ZNF536: variants seen among roughly 807,000 people sequenced by gnomAD.
ZNF536 encodes the protein zinc finger protein 536.
Under a neutral mutation model 84.5 loss-of-function variants are expected in ZNF536, and 13 were observed. The observed-to-expected ratio is 0.15, with a 90% CI of 0.10 to 0.24. The LOEUF (loss-of-function observed/expected upper bound fraction) is 0.24. ZNF536 is among the 10% of genes least tolerant of loss of function. ZNF536 has a pLI of 1.00. For missense variants in ZNF536, 1,536 were observed against 1,747.5 expected, an observed-to-expected ratio of 0.88 and a Z score of 2.16; for synonymous variants, 811 against 742.5, an observed-to-expected ratio of 1.09 and a Z score of -1.50.
At chr19:30,394,036 G>A (rs1429299889) in intron 1 of ZNF536, among the ~76,000 whole-genome samples, 1 of 152,076 alleles carries the variant, frequency 6.6e-6, no homozygotes, top group Non-Finnish European at 1.5e-5. Flanking sequence ...GGCTAGATGG[G>A]CAGGCAGAGA....
At chr19:30,374,625 A>G (rs987766710) in intron 1 of ZNF536, among the ~76,000 whole-genome samples, 6 of 152,254 alleles carry the variant, frequency 3.9e-5, no homozygotes, top group African/African-American at 1.2e-4. Context: ...CTTTTGCGCA[A>G]AGACAAAGGG....
At chr19:30,421,509 C>G (rs2050956133) in intron 1 of ZNF536, among the ~76,000 whole-genome samples, 1 of 152,152 alleles carries the variant, frequency 6.6e-6, no homozygotes, top group Non-Finnish European at 1.5e-5. Context: ...GGATTACAGG[C>G]ATGCCACCAC....
intron 1 of ZNF536, among the ~76,000 whole-genome samples, chr19:30,426,005 G>A (rs978174705): frequency 1.3e-5 from 2 of 152,122 alleles, no homozygotes; most frequent in African/African-American, 2.4e-5. Context: ...CATTTTCAGG[G>A]TTCCCCTCCC....
intron 1 of ZNF536, among the ~76,000 whole-genome samples, chr19:30,700,089 TTC>T (rs1264418130): frequency 6.7e-6 from 1 of 149,838 alleles, no homozygotes; most frequent in Non-Finnish European, 1.5e-5. Flanking sequence ...CCCTCTTTCT[TTC>T]TCTTTCCTTC....
intron 1 of ZNF536, chr19:30,710,666 C>T (rs2052426963): frequency 6.6e-6 from 1 of 152,162 alleles, no homozygotes; most frequent in Non-Finnish European, 1.5e-5. Context: ...TAATATTGAT[C>T]ATACTGGTGA....
chr19:30,366,792 A>G (rs1229723363), intron 3 of ZNF536, among the ~76,000 whole-genome samples: 1 of 152,212 alleles, frequency 6.6e-6, no homozygotes, highest in Non-Finnish European at 1.5e-5. Context: ...GAGTCAGGCA[A>G]TAAATACATA....
intron 2 of ZNF536, among the ~76,000 whole-genome samples, chr19:30,321,280 G>A (rs533956719): frequency 2.0e-5 from 3 of 152,326 alleles, no homozygotes; most frequent in South Asian, 2.1e-4. Context: ...GAAAGGGGCC[G>A]GTGCGATGGC....
intron 2 of ZNF536, among the ~76,000 whole-genome samples, chr19:30,513,801 G>A (rs2055518869): frequency 6.6e-6 from 1 of 152,180 alleles, no homozygotes; most frequent in African/African-American, 2.4e-5. Context: ...TGGGAAGATT[G>A]GTGGAAGACC....
chr19:30,471,908 A>AT (rs144169871), intron 2 of ZNF536, among the ~76,000 whole-genome samples: 1,880 of 150,412 alleles, frequency 0.012, 26 homozygotes, highest in African/African-American at 0.04. Context: ...TCAAAGCAGC[A>AT]TTTTTTTTTT....
chr19:30,652,865 G>C (rs1338906646), intron 1 of ZNF536, among the ~76,000 whole-genome samples: 2 of 152,160 alleles, frequency 1.3e-5, no homozygotes, highest in Non-Finnish European at 2.9e-5. Flanking sequence ...TGCAGCGATG[G>C]AAGCCAGAGA....
intron 1 of ZNF536, among the ~76,000 whole-genome samples, chr19:30,705,979 G>A (rs1308688049): frequency 2.6e-5 from 4 of 152,068 alleles, no homozygotes; most frequent in African/African-American, 9.7e-5. Context: ...ATCGATTGGT[G>A]GAAAAAAGGT....
chr19:30,486,263 G>A lies in ZNF536; in HGVS notation c.2170+40531G>A, dbSNP rs536412219. On this transcript the variant is annotated intron_variant, in intron 2 of 4. Transcript: ENST00000355537. ...TGATGCTCTCCCTCCCAACCTCCCC[G>A]CTGACAAGCCCCAGTGTGTGTTGTT... Among the ~76,000 whole-genome samples the A allele has an allele frequency of 4.9e-4, 75 of 152,048 alleles. 1 individual carries two copies. The South Asian group carries it at 0.013, about 27-fold the overall frequency.
intron 1 of ZNF536, among the ~76,000 whole-genome samples, chr19:30,264,413 G>GTGTGTGTGTGTGTGTGTGTT (rs1401271770): frequency 7.1e-6 from 1 of 140,734 alleles, no homozygotes; most frequent in African/African-American, 2.6e-5. Flanking sequence ...GTGTGTGTGT[G>GTGTGTGTGTGTGTGTGTGTT]TGTGTGTATG....
Position 30,548,820 on chromosome 19 carries a change from T to C in ZNF536, c.3201T>C (p.Asn1067=), listed in dbSNP as rs1269669454. The change falls in exon 4 of 5, where the codon AAT becomes AAC. Residue 1067 remains asparagine, a synonymous_variant. Transcript: ENST00000355537. The part of the protein sequence containing the change: ...LQSNKDLGLS[N]MISSLDSASE... ...CAAACAAAGACCTGGGCCTCTCCAA[T>C]ATGATCAGCTCTCTAGACTCTGCTT... The C allele has an allele frequency of 6.2e-6, 10 of 1,613,890 alleles. No individual in the cohort carries two copies. In the East Asian group the frequency reaches 2.0e-4, roughly 32 times the overall value.
At chr19:30,383,692 CT>C (rs72299376) in intron 1 of ZNF536, among the ~76,000 whole-genome samples, 602 of 11,458 alleles carry the variant, frequency 0.053, 27 homozygotes, top group East Asian at 0.21. Context: ...TCCTTCCTTT[CT>C]TTTCTTTCTC....
chr19:30,339,016 C>T (rs768682351), intron 2 of ZNF536, among the ~76,000 whole-genome samples: 11 of 152,140 alleles, frequency 7.2e-5, no homozygotes, highest in Admixed American at 2.0e-4. Flanking sequence ...CCTCCTCTTC[C>T]TTCCCTCCCC....
rs546630117 is a variant in ZNF536 at position 30,367,337 on chromosome 19, A to T, written c.-3+14853A>T. On this transcript the variant is annotated intron_variant, in intron 3 of 5. Coordinates refer to the ZNF536 transcript ENST00000585628. ...TTACTTCCTGAATGAAGTGTCTCAGACAAGGCTCTAACTTACATGAAATAA... is the reference window on the plus strand; with the variant it reads ...TTACTTCCTGAATGAAGTGTCTCAGTCAAGGCTCTAACTTACATGAAATAA... Among the ~76,000 whole-genome samples the T allele has an allele frequency of 7.2e-5, 11 of 152,334 alleles. 1 individual carries two copies. In the South Asian group the frequency reaches 2.3e-3, roughly 32 times the overall value.
rs141203516 is a variant in ZNF536 at position 30,480,621 on chromosome 19, C to T, written c.2170+34889C>T. 3.3e-3 allele frequency among the ~76,000 whole-genome samples: 505 copies of T among 152,136 alleles called. 1 individual carries two copies. The highest frequency in any genetic ancestry group is 0.011 in the African/African-American group (467 of 41,496). ...CATGCAGGGCTTAAAACCTAGATGA[C>T]GGATTGATAGGTGCAGCAAACCACC... On this transcript the variant is annotated intron_variant, in intron 2 of 4. Transcript: ENST00000355537.
chr19:30,478,849 A>G (rs2053957693), intron 2 of ZNF536, among the ~76,000 whole-genome samples: 1 of 152,210 alleles, frequency 6.6e-6, no homozygotes, highest in South Asian at 2.1e-4. Context: ...CACTTAGTGC[A>G]CAGGACCTGC....
Sources: allele counts gnomAD v4.1 joint callset (sites outside exome capture counted in the v4.1 genomes callset), GRCh38; gene constraint gnomAD v4.1.1; transcripts MANE v1.5; gene names NCBI Gene and HGNC (gene_info 2026-07-23, HGNC 2026-07-21).